NELL1: variants seen among roughly 807,000 people sequenced by gnomAD.
NELL1 encodes the protein protein kinase C-binding protein NELL1.
Under a neutral mutation model 107.4 loss-of-function variants are expected in NELL1, and 76 were observed. The observed-to-expected ratio is 0.71, with a 90% confidence interval of 0.59 to 0.86. The LOEUF (loss-of-function observed/expected upper bound fraction) is 0.86, where lower values mean the gene tolerates loss of function less well. NELL1 is among the 40% of genes least tolerant of loss of function. The pLI, the probability that NELL1 is intolerant of heterozygous loss-of-function variation, is 0.00. For synonymous variants in NELL1, 353 were observed against 341.2 expected (o/e 1.03, Z -0.38); for missense variants, 1,024 against 1,005.5 (o/e 1.02, Z -0.25).
intron 2 of NELL1, among the ~76,000 whole-genome samples, chr11:20,699,222 CAAACAAAAA>C (rs1854705520): frequency 6.6e-6 from 1 of 150,446 alleles, no homozygotes; most frequent in Non-Finnish European, 1.5e-5. Context: ...GTCTCAAAAA[CAAACAAAAA>C]AAACAAAACA....
At chr11:21,073,627 G>A (rs1035827756) in intron 12 of NELL1, among the ~76,000 whole-genome samples, 2 of 152,128 alleles carry the variant, frequency 1.3e-5, no homozygotes, top group South Asian at 4.1e-4. Flanking sequence ...GGGTCTGAAG[G>A]TAATACAAGC....
chr11:21,469,833 C>CAAGTAT (rs1854128254), intron 15 of NELL1, among the ~76,000 whole-genome samples: 1 of 152,038 alleles, frequency 6.6e-6, no homozygotes, highest in Non-Finnish European at 1.5e-5. Context: ...CAACATTGTA[C>CAAGTAT]AAGTATAAGT....
chr11:21,087,160 A>G (rs533156446), intron 12 of NELL1, among the ~76,000 whole-genome samples: 5 of 152,184 alleles, frequency 3.3e-5, no homozygotes, highest in Non-Finnish European at 5.9e-5. Flanking sequence ...TTTTAACTAC[A>G]TATAAAACTT....
At chr11:21,524,300 T>C (rs1016820967) in intron 15 of NELL1, among the ~76,000 whole-genome samples, 2 of 152,282 alleles carry the variant, frequency 1.3e-5, no homozygotes, top group Non-Finnish European at 1.5e-5. Context: ...AATGGAGTTG[T>C]GAATATAAAG....
At chr11:21,549,321 A>T (rs1173690437) in intron 16 of NELL1, among the ~76,000 whole-genome samples, 1 of 151,960 alleles carries the variant, frequency 6.6e-6, no homozygotes, top group Non-Finnish European at 1.5e-5. Flanking sequence ...TATTGTTATT[A>T]TGCATAACAA....
Position 20,847,576 on chromosome 11 carries a change from C to T in NELL1, c.336-7C>T, listed in dbSNP as rs764167953. ...AATAAAACAAATGTTTGTTCCTTTA[C>T]ATACAGCTATTTTGAACTGGAGAGC... is the stretch of plus-strand genomic sequence containing the variant. On this transcript the variant is annotated splice_region_variant and splice_polypyrimidine_tract_variant and intron_variant, in intron 3 of 19. Transcript: ENST00000357134. The T allele has an allele frequency of 6.2e-7, 1 of 1,611,410 alleles. No individual in the cohort carries two copies. The highest frequency in any genetic ancestry group is 2.2e-5 in the East Asian group (1 of 44,808).
intron 14 of NELL1, among the ~76,000 whole-genome samples, chr11:21,358,565 A>ATTTTT (rs75578174): frequency 2.1e-3 from 207 of 97,624 alleles, no homozygotes; most frequent in Non-Finnish European, 3.5e-3. Flanking sequence ...TGCCCTGATA[A>ATTTTT]TTTTTTTTTT....
chr11:21,493,655 A>G (rs774627689), intron 15 of NELL1, among the ~76,000 whole-genome samples: 1 of 152,078 alleles, frequency 6.6e-6, no homozygotes, highest in Non-Finnish European at 1.5e-5. Flanking sequence ...ACATATAGTT[A>G]CGTAGAAGAA....
chr11:20,947,540 C>G, intron 11 of NELL1, 105 bp downstream of exon 11: 2 of 787,882 alleles, frequency 2.5e-6, no homozygotes, highest in Non-Finnish European at 4.4e-6. Context: ...GTCCAAAACT[C>G]TGTGCGCTGC....
intron 13 of NELL1, among the ~76,000 whole-genome samples, chr11:21,163,268 G>A (rs1019590947): frequency 6.6e-6 from 1 of 152,174 alleles, no homozygotes; most frequent in South Asian, 2.1e-4. Context: ...CACTGTGCTA[G>A]GATCTCATCC....
At chr11:21,336,115 C>G (rs988930593) in intron 14 of NELL1, among the ~76,000 whole-genome samples, 1 of 151,926 alleles carries the variant, frequency 6.6e-6, no homozygotes, top group Admixed American at 6.6e-5. Context: ...ATGTCAAAGC[C>G]TCAGTGTTTT....
At chr11:21,032,752 T>C (rs1013468700) in intron 12 of NELL1, among the ~76,000 whole-genome samples, 1 of 152,202 alleles carries the variant, frequency 6.6e-6, no homozygotes, top group Non-Finnish European at 1.5e-5. Flanking sequence ...GACTTTTAGT[T>C]CTAATTTGTT....
chr11:21,064,748 T>C (rs918502301), intron 12 of NELL1, among the ~76,000 whole-genome samples: 12 of 152,172 alleles, frequency 7.9e-5, no homozygotes, highest in African/African-American at 2.7e-4. Flanking sequence ...TTAAGTTAGA[T>C]GACCCATGTC....
intron 15 of NELL1, among the ~76,000 whole-genome samples, chr11:21,533,191 T>C (rs1856038080): frequency 6.6e-6 from 1 of 152,160 alleles, no homozygotes. Flanking sequence ...TCTCTTTACT[T>C]GGCCAGAATG....
chr11:21,119,296 T>G (rs1332369033), intron 13 of NELL1, among the ~76,000 whole-genome samples: 2 of 150,324 alleles, frequency 1.3e-5, no homozygotes, highest in East Asian at 3.9e-4. Context: ...CCTGAGACAG[T>G]GGATGCTAAG....
At chr11:21,249,782 A>G (rs1858591176) in intron 14 of NELL1, among the ~76,000 whole-genome samples, 1 of 152,202 alleles carries the variant, frequency 6.6e-6, no homozygotes, top group African/African-American at 2.4e-5. Context: ...TCATCACAGT[A>G]GAGGCCCAAT....
intron 2 of NELL1, among the ~76,000 whole-genome samples, chr11:20,698,911 C>T (rs1854694288): frequency 6.6e-6 from 1 of 152,160 alleles, no homozygotes. Context: ...TCCTGAGTTA[C>T]TTCATTTAGA....
At chr11:21,161,530 C>A (rs1856369687) in intron 13 of NELL1, among the ~76,000 whole-genome samples, 2 of 152,102 alleles carry the variant, frequency 1.3e-5, no homozygotes, top group Non-Finnish European at 1.5e-5. Context: ...GAATGAGATT[C>A]TGTCTCAAAA....
At chr11:21,111,980 A>G (rs1473549976) in intron 12 of NELL1, among the ~76,000 whole-genome samples, 11 of 151,984 alleles carry the variant, frequency 7.2e-5, no homozygotes, top group Admixed American at 6.6e-5. Flanking sequence ...TCTTAATGTC[A>G]CCATACTACT....
Sources: gnomAD v4.1 joint callset for allele counts (sites outside exome capture counted in the v4.1 genomes callset) on GRCh38, gnomAD v4.1.1 for gene constraint, MANE v1.5 for transcripts, NCBI Gene and HGNC (gene_info 2026-07-23, HGNC 2026-07-21) for gene names.